ZNF260: variants seen among roughly 807,000 people sequenced by gnomAD.
ZNF260 encodes the protein zinc finger protein 260, also known as zfp-260.
A neutral mutation model predicts 29.3 loss-of-function variants in ZNF260; 21 were observed. That is an observed-to-expected ratio of 0.72 (90% CI 0.51 to 1.03). ZNF260 has a LOEUF of 1.03. Ranked by LOEUF, ZNF260 falls within the 50% of genes least tolerant of loss-of-function variation. ZNF260 has a pLI of 0.00. For synonymous variants in ZNF260, 156 were observed against 156.8 expected (o/e 0.99, Z 0.04); for missense variants, 465 against 487.8 (o/e 0.95, Z 0.44).
chr19:36,526,453 T>A (rs1360868495), intron 1 of ZNF260, among the ~76,000 whole-genome samples: 1 of 152,048 alleles, frequency 6.6e-6, no homozygotes, highest in East Asian at 1.9e-4. Flanking sequence ...GGCAGGAGAA[T>A]CGCTTGAACC....
Position 36,514,816 on chromosome 19 carries a change from A to G in ZNF260, c.423T>C (p.Cys141=). Residue 141 remains cysteine (C), a synonymous_variant, in exon 3 of 3, where the codon TGT becomes TGC. Transcript: ENST00000523638. ...ATGCTTTGCCGTTAAAGGCTTTGCC[A>G]CATTCCTTACATGCATAGGGTTTGG... The part of the protein sequence containing the change: ...TGTKPYACKE[C]GKAFNGKAYL... 1.2e-6 allele frequency: 2 copies of G among 1,614,018 alleles called. No individual in the cohort carries two copies. Among genetic ancestry groups the G allele is most frequent in the Non-Finnish European group, 1.7e-6 (2 of 1,180,008 alleles).
intron 1 of ZNF260, among the ~76,000 whole-genome samples, chr19:36,526,741 C>G (rs1369992924): frequency 6.6e-6 from 1 of 152,062 alleles, no homozygotes; most frequent in Non-Finnish European, 1.5e-5. Flanking sequence ...CCATCGCAAG[C>G]TTAACAACAG....
At chr19:36,523,654 T>G (rs2145755072) in intron 2 of ZNF260, among the ~76,000 whole-genome samples, 1 of 150,828 alleles carries the variant, frequency 6.6e-6, no homozygotes, top group Middle Eastern at 3.4e-3. Context: ...CTCGGCTCAC[T>G]GCAACCTCCG....
intron 1 of ZNF260, among the ~76,000 whole-genome samples, chr19:36,526,454 C>A (rs898899832): frequency 6.6e-6 from 1 of 152,096 alleles, no homozygotes; most frequent in East Asian, 1.9e-4. Context: ...GCAGGAGAAT[C>A]GCTTGAACCC....
chr19:36,520,198 CAAAAAAA>C (rs11327751), intron 2 of ZNF260, among the ~76,000 whole-genome samples: 1 of 89,682 alleles, frequency 1.1e-5, no homozygotes, highest in African/African-American at 3.8e-5. Flanking sequence ...GACTCTGTCT[CAAAAAAA>C]AAAAAAAAAG....
chr19:36,523,086 C>T, intron 2 of ZNF260, among the ~76,000 whole-genome samples: 1 of 152,168 alleles, frequency 6.6e-6, no homozygotes, highest in East Asian at 1.9e-4. Context: ...TTACCCTGCC[C>T]CTATTCAAAC....
At position 36,512,268 on chromosome 19, in the gene ZNF260, G is replaced by C. The variant is rs762549953; in HGVS notation, c.*1732C>G. On this transcript the variant is annotated 3_prime_UTR_variant, in exon 3 of 3. Coordinates refer to ENST00000523638, the MANE Select transcript of ZNF260 (RefSeq NM_001166037.2). Reference sequence around the variant, plus strand: ...TAGAAATATCTTCTACAGAATATTAGTATCTGACTAGGAATGTAAGTCCAT... The same window carrying C: ...TAGAAATATCTTCTACAGAATATTACTATCTGACTAGGAATGTAAGTCCAT... 7 of 151,998 alleles carry C rather than the reference G, an allele frequency of 4.6e-5. No homozygotes were observed. Among genetic ancestry groups the C allele is most frequent in the Non-Finnish European group, 8.8e-5 (6 of 67,990 alleles). The allele number at this position is 151,998 out of a possible 1,614,324, so 9.4% of individuals were successfully genotyped here. A position where few individuals can be genotyped will look rare whatever the true frequency, so the allele number is the denominator to read the frequency against.
At chr19:36,518,799 A>G (rs2034594137) in intron 2 of ZNF260, among the ~76,000 whole-genome samples, 1 of 152,236 alleles carries the variant, frequency 6.6e-6, no homozygotes, top group South Asian at 2.1e-4. Flanking sequence ...AAGCACATCA[A>G]TACAAAATTT....
At chr19:36,522,876 T>C (rs1568554689) in intron 2 of ZNF260, among the ~76,000 whole-genome samples, 1 of 152,236 alleles carries the variant, frequency 6.6e-6, no homozygotes, top group Non-Finnish European at 1.5e-5. Flanking sequence ...ATTCCTACAT[T>C]CCTTAAACTG....
rs1337583334 is a variant in ZNF260, at chr19:36,515,122, C to T, written c.117G>A (p.Lys39=). Residue 39 remains lysine (K), a synonymous_variant, in exon 3 of 3, where the codon AAG becomes AAA. Coordinates refer to ENST00000523638, the MANE Select transcript of ZNF260 (RefSeq NM_001166037.2). ...TTTTCTTATGCTCTACAAGGTTTTG[C>T]TTCAGGCTAAAAGTTTTTCTACATT... ...CNECRKTFSL[K]QNLVEHKKMH... is the part of the protein sequence containing the mutation. The T allele has an allele frequency of 6.2e-7, 1 of 1,613,992 alleles. No homozygotes were observed. Among genetic ancestry groups the T allele is most frequent in the Non-Finnish European group, 8.5e-7 (1 of 1,179,984 alleles).
Position 36,512,822 on chromosome 19 carries a change from A to G in ZNF260, c.*1178T>C, listed in dbSNP as rs1186735234. On this transcript the variant is annotated 3_prime_UTR_variant, in exon 3 of 3. Transcript: ENST00000523638. ...CACAAGAGACAGCATTTGTTTCCCAACTTCTGGCTACTATAACTCATGGTG... is the reference window on the plus strand; with the variant it reads ...CACAAGAGACAGCATTTGTTTCCCAGCTTCTGGCTACTATAACTCATGGTG... 6.6e-6 allele frequency: 1 copy of G among 152,120 alleles called. No homozygotes were observed. Among genetic ancestry groups the G allele is most frequent in the East Asian group, 1.9e-4 (1 of 5,196 alleles). 9.4% of individuals were successfully genotyped at this position (152,120 alleles called of 1,614,324 possible). A position where few individuals can be genotyped will look rare whatever the true frequency, so the allele number is the denominator to read the frequency against.
In ZNF260 at chr19:36,524,534, T is replaced by A. The variant is rs1466457273; in HGVS notation, c.-462+621A>T. Among the ~76,000 whole-genome samples the A allele has an allele frequency of 1.5e-3, 183 of 126,036 alleles. 4 individuals are homozygous for A. Among genetic ancestry groups the A allele is most frequent in the African/African-American group, 4.9e-3 (169 of 34,664 alleles). 82.7% of individuals were successfully genotyped at this position (126,036 alleles called of 152,430 possible). ...ACATGCTAGTTTTTTTTTTTTTTTT[T>A]ATTGATCATTCTTGGGTGTTTCTCG... is the stretch of plus-strand genomic sequence containing the variant. On this transcript the variant is annotated intron_variant, in intron 2 of 2. Transcript: ENST00000523638.
At chr19:36,527,857 C>G (rs937689982) in intron 1 of ZNF260, among the ~76,000 whole-genome samples, 8 of 152,252 alleles carry the variant, frequency 5.3e-5, no homozygotes, top group Non-Finnish European at 1.0e-4. Flanking sequence ...AATTCCTTAG[C>G]CTTTTCCGTT....
At position 36,514,256 on chromosome 19, in the gene ZNF260, C is replaced by T. The variant is rs765730160; in HGVS notation, c.983G>A (p.Gly328Asp). Residue 328 changes from glycine (G) to aspartate (D), a missense_variant, in exon 3 of 3, where the codon GGT becomes GAT. Transcript: ENST00000523638. ...GACCTTACACTCATAAGGCTTATCA[C>T]CTGTATGAATTCTCACATGTACAAT... Reference protein sequence around the residue: ...SLIVHVRIHTGDKPYECKVCG... With the variant: ...SLIVHVRIHTDDKPYECKVCG... 6.2e-7 allele frequency: 1 copy of T among 1,614,104 alleles called. No homozygotes were observed.
chr19:36,524,431 G>A (rs1231131423), intron 2 of ZNF260, among the ~76,000 whole-genome samples: 6 of 151,038 alleles, frequency 4.0e-5, no homozygotes, highest in African/African-American at 7.3e-5. Context: ...CGCCAGCCTC[G>A]GCCTCCCAAA....
Position 36,515,409 on chromosome 19 carries a change from T to C in ZNF260, c.-171A>G, listed in dbSNP as rs759225203. ...TTTTCTCACATTGATTACCCTGAGA[T>C]GAGATGATTACAAAAAGGGATAAAA... On this transcript the variant is annotated 5_prime_UTR_variant, in exon 3 of 3. Coordinates refer to ENST00000523638, the MANE Select transcript of ZNF260 (RefSeq NM_001166037.2). 2.7e-5 allele frequency: 17 copies of C among 620,670 alleles called. No individual in the cohort carries two copies. Among genetic ancestry groups the C allele is most frequent in the Non-Finnish European group, 4.3e-5 (16 of 374,072 alleles). The allele number at this position is 620,670 out of a possible 1,614,324, so 38.4% of individuals were successfully genotyped here.
chr19:36,527,735 G>T (rs73032491), intron 1 of ZNF260, among the ~76,000 whole-genome samples: 41,784 of 151,814 alleles, frequency 0.28, 6,257 homozygotes, highest in Non-Finnish European at 0.35. Context: ...AAGTTTTTCC[G>T]AAATCTTGCC....
Sources: allele counts gnomAD v4.1 joint callset (sites outside exome capture counted in the v4.1 genomes callset), GRCh38; gene constraint gnomAD v4.1.1; transcripts MANE v1.5; gene names NCBI Gene and HGNC (gene_info 2026-07-23, HGNC 2026-07-21).